Variants in ST8SIA6 observed in about 807,000 individuals in gnomAD.
ST8SIA6 encodes the protein ST8 alpha-N-acetyl-neuraminide alpha-2,8-sialyltransferase 6.
Under a neutral mutation model 33.6 loss-of-function variants are expected in ST8SIA6, and 39 were observed. The ratio of observed to expected loss-of-function variants is 1.16; its 90% CI spans 0.90 to 1.52. ST8SIA6 has a LOEUF of 1.52. ST8SIA6 is among the 40% of genes most tolerant of loss of function. The pLI is 0.00. For missense variants in ST8SIA6, 441 were observed against 443.8 expected (o/e 0.99, Z 0.06); for synonymous variants, 172 against 167.2 (o/e 1.03, Z -0.22).
chr10:17,352,006 T>C (rs1332240365), intron 4 of ST8SIA6, among the ~76,000 whole-genome samples: 3 of 151,978 alleles, frequency 2.0e-5, no homozygotes, highest in Non-Finnish European at 4.4e-5. Flanking sequence ...GTATTGCAGA[T>C]TTCAAAACTG....
At chr10:17,349,466 A>G (rs1457874349) in intron 4 of ST8SIA6, among the ~76,000 whole-genome samples, 1 of 152,244 alleles carries the variant, frequency 6.6e-6, no homozygotes, top group Non-Finnish European at 1.5e-5. Context: ...ATTCTAATAT[A>G]TAACGGACTC....
intron 2 of ST8SIA6, among the ~76,000 whole-genome samples, chr10:17,448,897 G>A (rs1283007462): frequency 6.7e-6 from 1 of 150,176 alleles, no homozygotes; most frequent in Non-Finnish European, 1.5e-5. Context: ...TGGGATTACA[G>A]GCGTGAGCCA....
intron 2 of ST8SIA6, among the ~76,000 whole-genome samples, chr10:17,412,752 A>G (rs1196932503): frequency 1.3e-5 from 2 of 152,240 alleles, no homozygotes; most frequent in East Asian, 1.9e-4. Context: ...GATAGAAGAA[A>G]TAAGACCTAA....
chr10:17,376,620 A>G (rs1362108455), intron 3 of ST8SIA6, among the ~76,000 whole-genome samples: 2 of 152,236 alleles, frequency 1.3e-5, no homozygotes, highest in East Asian at 3.8e-4. Context: ...ATGAGGAATA[A>G]GATGGACAGC....
chr10:17,357,321 AG>A (rs1849231759), intron 4 of ST8SIA6, among the ~76,000 whole-genome samples: 1 of 147,820 alleles, frequency 6.8e-6, no homozygotes, highest in East Asian at 2.0e-4. Context: ...TATTTTTAGT[AG>A]AGACGGGGTT....
intron 4 of ST8SIA6, among the ~76,000 whole-genome samples, chr10:17,356,341 C>A (rs775690363): frequency 2.2e-4 from 33 of 151,820 alleles, no homozygotes; most frequent in African/African-American, 8.0e-4. Context: ...TGTCTGTGTG[C>A]CTGTTCTCTT....
intron 2 of ST8SIA6, among the ~76,000 whole-genome samples, chr10:17,397,836 G>T (rs1850874964): frequency 6.6e-6 from 1 of 152,042 alleles, no homozygotes; most frequent in African/African-American, 2.4e-5. Context: ...CTTTAAAAAG[G>T]TTGGAAAAAA....
At chr10:17,387,608 A>G (rs1588874178) in intron 3 of ST8SIA6, among the ~76,000 whole-genome samples, 1 of 152,240 alleles carries the variant, frequency 6.6e-6, no homozygotes, top group East Asian at 1.9e-4. Context: ...TCTGTGAGAA[A>G]CGGAGCTAAC....
intron 4 of ST8SIA6, among the ~76,000 whole-genome samples, chr10:17,349,880 C>A (rs1848973211): frequency 6.6e-6 from 1 of 152,062 alleles, no homozygotes; most frequent in Non-Finnish European, 1.5e-5. Context: ...TTTGTTCTTC[C>A]TGATGCATTA....
chr10:17,396,610 A>G (rs949271338), intron 2 of ST8SIA6, among the ~76,000 whole-genome samples: 5 of 152,108 alleles, frequency 3.3e-5, no homozygotes, highest in South Asian at 2.1e-4. Flanking sequence ...TCCACCTGCC[A>G]TCACATCCCT....
intron 5 of ST8SIA6, among the ~76,000 whole-genome samples, chr10:17,328,709 C>T (rs1848209719): frequency 6.6e-6 from 1 of 152,194 alleles, no homozygotes; most frequent in African/African-American, 2.4e-5. Context: ...CATGGGCTTT[C>T]AACAAGCTCT....
At chr10:17,343,706 C>T (rs1007256640) in intron 4 of ST8SIA6, among the ~76,000 whole-genome samples, 29 of 152,096 alleles carry the variant, frequency 1.9e-4, no homozygotes, top group African/African-American at 7.0e-4. Context: ...ATTATAGAGA[C>T]ACATGAAATA....
intron 4 of ST8SIA6, among the ~76,000 whole-genome samples, chr10:17,354,713 G>A (rs928617118): frequency 6.6e-6 from 1 of 152,116 alleles, no homozygotes; most frequent in Non-Finnish European, 1.5e-5. Context: ...GATTGGATAG[G>A]CATCCTGGAT....
chr10:17,372,099 C>G (rs1849755647), intron 3 of ST8SIA6, among the ~76,000 whole-genome samples: 2 of 152,132 alleles, frequency 1.3e-5, no homozygotes, highest in African/African-American at 4.8e-5. Context: ...ACGACTAGAA[C>G]TTAAAAATGT....
chr10:17,374,209 T>TTA (rs1554792683), intron 3 of ST8SIA6, among the ~76,000 whole-genome samples: 1 of 147,392 alleles, frequency 6.8e-6, no homozygotes. Context: ...CTGAGGGAGT[T>TTA]AAAAAAAAAA....
At chr10:17,370,840 T>C (rs529091077) in intron 3 of ST8SIA6, among the ~76,000 whole-genome samples, 59 of 152,324 alleles carry the variant, frequency 3.9e-4, no homozygotes, top group African/African-American at 1.3e-3. Flanking sequence ...TTGTCCTTTA[T>C]TTTGAGTGAA....
At chr10:17,447,234 A>G (rs1852745596) in intron 2 of ST8SIA6, among the ~76,000 whole-genome samples, 1 of 151,300 alleles carries the variant, frequency 6.6e-6, no homozygotes, top group Admixed American at 6.6e-5. Context: ...ACTAAAAATT[A>G]GTAAACCCTA....
intron 3 of ST8SIA6, among the ~76,000 whole-genome samples, chr10:17,389,259 A>G (rs1197168107): frequency 6.6e-6 from 1 of 152,240 alleles, no homozygotes; most frequent in Non-Finnish European, 1.5e-5. Context: ...CCACACAGCC[A>G]GCTCTGCGTG....
At chr10:17,451,257 A>C (rs911046773) in intron 2 of ST8SIA6, among the ~76,000 whole-genome samples, 2 of 152,218 alleles carry the variant, frequency 1.3e-5, no homozygotes, top group Non-Finnish European at 2.9e-5. Flanking sequence ...AAAAAGAAGG[A>C]TTTAATGTCT....
Sources: allele counts gnomAD v4.1 joint callset (sites outside exome capture counted in the v4.1 genomes callset), GRCh38; gene constraint gnomAD v4.1.1; transcripts MANE v1.5; gene names NCBI Gene and HGNC (gene_info 2026-07-23, HGNC 2026-07-21).